Variants in CFAP300 observed in about 807,000 individuals in gnomAD.
The protein encoded by CFAP300 is cilia and flagella associated protein 300, also known as cilia- and flagella-associated protein 300.
A neutral mutation model predicts 33.0 loss-of-function variants in CFAP300; 32 were observed. That is an observed-to-expected ratio of 0.97 (90% CI 0.73 to 1.30). The LOEUF (loss-of-function observed/expected upper bound fraction) is 1.30, where lower values mean the gene tolerates loss of function less well. Among genes scored for constraint, CFAP300 ranks in the 50% most tolerant of loss-of-function variants. CFAP300 has a pLI of 0.00. For missense variants in CFAP300, 356 were observed against 318.1 expected, an observed-to-expected ratio of 1.12 and a Z score of -0.90; for synonymous variants, 102 against 106.8, an observed-to-expected ratio of 0.95 and a Z score of 0.28.
In CFAP300 at chr11:102,047,816, T is replaced by G; in HGVS notation, c.112T>G (p.Ser38Ala). ...KEITSRLRQW[S>A]MLGRIKAQAF... is the part of the protein sequence containing the mutation. ...TTTCTTTTTCCTCCTCTGCCCCAGGTCCATGCTGGGCAGAATCAAGGCGCA... is the reference window on the plus strand; with the variant it reads ...TTTCTTTTTCCTCCTCTGCCCCAGGGCCATGCTGGGCAGAATCAAGGCGCA... Residue 38 changes from serine (S) to alanine (A), a missense_variant and splice_region_variant, in exon 2 of 7, where the codon TCC (serine) becomes GCC (alanine). Transcript: ENST00000434758. 5 of 1,614,124 alleles carry G rather than the reference T, an allele frequency of 3.1e-6. No homozygotes were observed. Among genetic ancestry groups the G allele is most frequent in the Non-Finnish European group, 4.2e-6 (5 of 1,180,020 alleles).
intron 5 of CFAP300, among the ~76,000 whole-genome samples, chr11:102,079,386 T>C (rs1203564413): frequency 6.6e-6 from 1 of 152,222 alleles, no homozygotes; most frequent in Non-Finnish European, 1.5e-5. Context: ...AAGCAGTATG[T>C]TAAGCAATAG....
At chr11:102,081,333 T>C (rs1019168749) in intron 6 of CFAP300, 52 bp downstream of exon 6, 1 of 1,438,418 alleles carries the variant, frequency 7.0e-7, no homozygotes, top group South Asian at 1.2e-5. Context: ...TTTTTATTAA[T>C]AGAGTTGTTA....
intron 3 of CFAP300, among the ~76,000 whole-genome samples, chr11:102,064,353 G>T (rs1397553884): frequency 6.6e-6 from 1 of 152,040 alleles, no homozygotes. Flanking sequence ...TGTTTTTTTG[G>T]ACTTTCAACA....
intron 4 of CFAP300, among the ~76,000 whole-genome samples, chr11:102,071,709 A>G (rs1406205817): frequency 6.6e-6 from 1 of 152,016 alleles, no homozygotes; most frequent in African/African-American, 2.4e-5. Context: ...TTTATGAAGG[A>G]TAATTTTGCT....
At chr11:102,058,301 T>C (rs1356104977) in intron 2 of CFAP300, among the ~76,000 whole-genome samples, 1 of 151,836 alleles carries the variant, frequency 6.6e-6, no homozygotes, top group African/African-American at 2.4e-5. Flanking sequence ...TTTTTCTTAT[T>C]TCATGTCAGA....
chr11:102,047,648 C>G, intron 1 of CFAP300, 68 bp downstream of exon 1: 1 of 1,485,770 alleles, frequency 6.7e-7, no homozygotes, highest in South Asian at 1.2e-5. Context: ...GCAGGCCGGG[C>G]GTCGAGGGGC....
intron 4 of CFAP300, 22 bp downstream of exon 4, chr11:102,066,673 T>G: frequency 6.4e-7 from 1 of 1,566,512 alleles, no homozygotes. Context: ...ATTTTAAAAT[T>G]TCGCAGTGGA....
chr11:102,071,737 C>T (rs1942315940), intron 4 of CFAP300, among the ~76,000 whole-genome samples: 1 of 152,022 alleles, frequency 6.6e-6, no homozygotes. Flanking sequence ...GTATTTTTGG[C>T]TGCTAGTTTT....
intron 4 of CFAP300, among the ~76,000 whole-genome samples, chr11:102,075,173 C>A (rs1942378090): frequency 6.6e-6 from 1 of 152,196 alleles, no homozygotes; most frequent in Non-Finnish European, 1.5e-5. Flanking sequence ...TTATATCTTA[C>A]ATTGGTCACC....
chr11:102,054,687 C>T (rs1263064198), intron 2 of CFAP300, among the ~76,000 whole-genome samples: 1 of 133,224 alleles, frequency 7.5e-6, no homozygotes, highest in Non-Finnish European at 1.5e-5. Context: ...TGAGATCGAA[C>T]CATTGCACTC....
Position 102,084,015 on chromosome 11 carries a change from A to T in CFAP300, c.*816A>T, listed in dbSNP as rs1486463995. ...TGGCAACAGAGCAAGACTCCGTCTC[A>T]GAAAAAAAAAAGGTTCTGAAAGTGG... On this transcript the variant is annotated 3_prime_UTR_variant, in exon 7 of 7. Coordinates refer to ENST00000434758, the MANE Select transcript of CFAP300 (RefSeq NM_032930.3). 1.3e-5 allele frequency: 2 copies of T among 148,794 alleles called. No homozygotes were observed. The highest frequency in any genetic ancestry group is 3.0e-5 in the Non-Finnish European group (2 of 67,676). The allele number at this position is 148,794 out of a possible 1,614,324, so 9.2% of individuals were successfully genotyped here.
chr11:102,070,107 C>T (rs564001881), intron 4 of CFAP300, among the ~76,000 whole-genome samples: 2 of 152,210 alleles, frequency 1.3e-5, no homozygotes, highest in East Asian at 1.9e-4. Context: ...AAACATGGGC[C>T]TCAATAACAC....
intron 3 of CFAP300, among the ~76,000 whole-genome samples, chr11:102,061,527 CTT>C (rs905929892): frequency 2.6e-5 from 4 of 152,142 alleles, no homozygotes; most frequent in Admixed American, 1.3e-4. Context: ...TACACTTTGT[CTT>C]TTTTTGATAA....
chr11:102,053,589 C>T (rs561508257), intron 2 of CFAP300, among the ~76,000 whole-genome samples: 2 of 151,574 alleles, frequency 1.3e-5, no homozygotes, highest in South Asian at 2.1e-4. Flanking sequence ...CAAACAAAAA[C>T]CTTCAGTGTG....
At chr11:102,051,829 GT>G (rs1941976788) in intron 2 of CFAP300, among the ~76,000 whole-genome samples, 1 of 152,108 alleles carries the variant, frequency 6.6e-6, no homozygotes, top group Non-Finnish European at 1.5e-5. Flanking sequence ...GATTACAGGT[GT>G]GAGTTATCAC....
At chr11:102,062,435 T>C (rs548656081) in intron 3 of CFAP300, among the ~76,000 whole-genome samples, 5 of 152,320 alleles carry the variant, frequency 3.3e-5, no homozygotes, top group African/African-American at 9.6e-5. Flanking sequence ...TGGGCAATTC[T>C]GGTGATAGCG....
At chr11:102,052,953 C>G (rs949994072) in intron 2 of CFAP300, among the ~76,000 whole-genome samples, 2 of 152,226 alleles carry the variant, frequency 1.3e-5, no homozygotes, top group African/African-American at 4.8e-5. Flanking sequence ...TCTGGCCAGG[C>G]GCACTGGCTC....
chr11:102,056,261 C>A (rs2135018670), intron 2 of CFAP300, among the ~76,000 whole-genome samples: 1 of 152,212 alleles, frequency 6.6e-6, no homozygotes, highest in Non-Finnish European at 1.5e-5. Flanking sequence ...CACTACAAAC[C>A]ATACTATATT....
intron 2 of CFAP300, among the ~76,000 whole-genome samples, chr11:102,050,600 T>G (rs187121968): frequency 2.6e-5 from 4 of 152,326 alleles, no homozygotes; most frequent in African/African-American, 9.6e-5. Flanking sequence ...AAAAATTGCA[T>G]TGCAGAGAGA....
Sources: gnomAD v4.1 joint callset for allele counts (sites outside exome capture counted in the v4.1 genomes callset) on GRCh38, gnomAD v4.1.1 for gene constraint, MANE v1.5 for transcripts, NCBI Gene and HGNC (gene_info 2026-07-23, HGNC 2026-07-21) for gene names.